Variants in SLC35A3 observed in about 807,000 individuals in gnomAD.
SLC35A3 encodes the protein solute carrier family 35 member A3.
Under a neutral mutation model 39.0 loss-of-function variants are expected in SLC35A3, and 26 were observed. That is an observed-to-expected ratio of 0.67 (90% CI 0.49 to 0.92). The LOEUF is 0.92. Among genes scored for constraint, SLC35A3 ranks in the 40% least tolerant of loss-of-function variants. The pLI, the probability that SLC35A3 is intolerant of heterozygous loss-of-function variation, is 0.00. For missense variants in SLC35A3, 299 were observed against 371.6 expected (o/e 0.80, Z 1.61); for synonymous variants, 135 against 133.1 (o/e 1.01, Z -0.10).
intron 1 of SLC35A3, among the ~76,000 whole-genome samples, chr1:99,981,162 T>C (rs954334133): frequency 2.6e-5 from 4 of 152,202 alleles, no homozygotes; most frequent in Non-Finnish European, 4.4e-5. Context: ...CTTTTTTCTG[T>C]TGATTTATTT....
intron 2 of SLC35A3, among the ~76,000 whole-genome samples, chr1:99,996,665 G>C (rs941273386): frequency 6.6e-6 from 1 of 152,098 alleles, no homozygotes; most frequent in Admixed American, 6.6e-5. Context: ...TTAAGCTCAG[G>C]AGTTGGGATC....
At chr1:99,991,908 C>A (rs1439734483) in intron 1 of SLC35A3, among the ~76,000 whole-genome samples, 2 of 152,094 alleles carry the variant, frequency 1.3e-5, no homozygotes, top group Non-Finnish European at 2.9e-5. Context: ...GCCACCACAC[C>A]CAGCTAATTT....
Position 100,031,550 on chromosome 1 carries a change from GCA to G in SLC35A3, c.*9078_*9079del, listed in dbSNP as rs1661228857. ...CCACCTCGTGTATACCAAAATTTGGGCACACTCAAGTCCTTAAGGGGAAACCG... is the reference window on the plus strand; with the variant it reads ...CCACCTCGTGTATACCAAAATTTGGGCACTCAAGTCCTTAAGGGGAAACCG... On this transcript the variant is annotated 3_prime_UTR_variant, in exon 8 of 8. Transcript: ENST00000533028. 6.6e-6 allele frequency: 1 copy of G among 152,026 alleles called. No individual in the cohort carries two copies. The highest frequency in any genetic ancestry group is 2.4e-5 in the African/African-American group (1 of 41,390). The allele number at this position is 152,026 out of a possible 1,614,324, so 9.4% of individuals were successfully genotyped here.
intron 7 of SLC35A3, among the ~76,000 whole-genome samples, chr1:100,020,362 G>T (rs888153228): frequency 1.3e-5 from 2 of 152,152 alleles, no homozygotes; most frequent in Admixed American, 6.5e-5. Context: ...GAATCTTTCA[G>T]TTGAGCATGA....
rs1200917192 is a variant in SLC35A3, at chr1:100,024,921, C to G, written c.*2445C>G. On this transcript the variant is annotated 3_prime_UTR_variant, in exon 8 of 8. Transcript: ENST00000533028. ...TGTTACAGACTGTTGGGTACCCTTGCCTAACGTGAACTGGCAGTGTTACCT... is the reference window on the plus strand; with the variant it reads ...TGTTACAGACTGTTGGGTACCCTTGGCTAACGTGAACTGGCAGTGTTACCT... The G allele has an allele frequency of 2.9e-6, 1 of 340,918 alleles. No homozygotes were observed. The highest frequency in any genetic ancestry group is 2.1e-5 in the African/African-American group (1 of 46,738). The allele number at this position is 340,918 out of a possible 1,614,324, so 21.1% of individuals were successfully genotyped here.
intron 1 of SLC35A3, among the ~76,000 whole-genome samples, chr1:99,985,152 T>A (rs191238220): frequency 3.5e-4 from 54 of 152,362 alleles, no homozygotes; most frequent in African/African-American, 1.2e-3. Context: ...CCTAAGCCAA[T>A]GTCTAGTAGG....
At position 100,024,621 on chromosome 1, in the gene SLC35A3, T is replaced by TA; in HGVS notation, c.*2145_*2146insA. 1 of 323,210 alleles carries TA rather than the reference T, an allele frequency of 3.1e-6. No individual in the cohort carries two copies. Among genetic ancestry groups the TA allele is most frequent in the Non-Finnish European group, 5.6e-6 (1 of 180,128 alleles). The allele number at this position is 323,210 out of a possible 1,614,324, so 20.0% of individuals were successfully genotyped here. On this transcript the variant is annotated 3_prime_UTR_variant, in exon 8 of 8. Coordinates refer to ENST00000533028, the MANE Select transcript of SLC35A3 (RefSeq NM_012243.3). ...GTATGAATGAAAAAAATAAAATACT[T>TA]CTTTTTTTTTTTTTTTGAGACAGAG...
At chr1:99,991,011 T>C (rs1300046175) in intron 1 of SLC35A3, among the ~76,000 whole-genome samples, 1 of 152,196 alleles carries the variant, frequency 6.6e-6, no homozygotes. Context: ...CTGTGAGAAA[T>C]AAATTGCTGT....
chr1:99,970,883 G>C (rs769238072), intron 1 of SLC35A3, among the ~76,000 whole-genome samples: 2 of 152,196 alleles, frequency 1.3e-5, no homozygotes, highest in African/African-American at 2.4e-5. Context: ...TAAACTCAGG[G>C]TGTTTCAAGG....
intron 2 of SLC35A3, among the ~76,000 whole-genome samples, chr1:99,995,801 C>T (rs192437451): frequency 2.6e-5 from 4 of 152,188 alleles, no homozygotes; most frequent in Non-Finnish European, 4.4e-5. Flanking sequence ...GAGGAGAAGG[C>T]CAAAGGCTGA....
chr1:99,979,828 G>T (rs901480771), intron 1 of SLC35A3, among the ~76,000 whole-genome samples: 5 of 151,784 alleles, frequency 3.3e-5, no homozygotes, highest in Non-Finnish European at 7.4e-5. Flanking sequence ...TGGATCACCC[G>T]AGGTCAGGAG....
At chr1:99,974,743 CCT>C (rs1271551846) in intron 1 of SLC35A3, among the ~76,000 whole-genome samples, 1 of 152,094 alleles carries the variant, frequency 6.6e-6, no homozygotes, top group Non-Finnish European at 1.5e-5. Context: ...TATCTCAGAA[CCT>C]CTGTTTCTTA....
At chr1:99,995,155 T>TCTTA (rs1553200952) in intron 2 of SLC35A3, among the ~76,000 whole-genome samples, 3 of 141,652 alleles carry the variant, frequency 2.1e-5, no homozygotes, top group African/African-American at 7.7e-5. Flanking sequence ...TTTCTTTCTT[T>TCTTA]CTTTCTTTTT....
intron 4 of SLC35A3, among the ~76,000 whole-genome samples, chr1:100,010,146 T>C (rs1659527398): frequency 6.6e-6 from 1 of 152,072 alleles, no homozygotes; most frequent in Admixed American, 6.6e-5. Flanking sequence ...CTATTGAGGG[T>C]GAAGATACAG....
chr1:99,971,133 A>T (rs1417411222), intron 1 of SLC35A3, among the ~76,000 whole-genome samples: 2 of 152,108 alleles, frequency 1.3e-5, no homozygotes, highest in African/African-American at 4.8e-5. Flanking sequence ...AGATCTTATG[A>T]CTTTCTTTTT....
At chr1:100,007,823 T>G (rs2101320672) in intron 4 of SLC35A3, 1 of 152,150 alleles carries the variant, frequency 6.6e-6, no homozygotes, top group East Asian at 1.9e-4. Context: ...TTATTATGAT[T>G]ATTATTATTT....
At chr1:100,020,927 G>A (rs896715039) in intron 7 of SLC35A3, among the ~76,000 whole-genome samples, 2 of 152,088 alleles carry the variant, frequency 1.3e-5, no homozygotes, top group African/African-American at 4.8e-5. Context: ...TGGGAAGGAT[G>A]AGTTTGGAGG....
chr1:99,988,483 T>C (rs1488210192), intron 1 of SLC35A3, among the ~76,000 whole-genome samples: 1 of 152,212 alleles, frequency 6.6e-6, no homozygotes, highest in Non-Finnish European at 1.5e-5. Context: ...AAATCTCTTA[T>C]AAATATTCAT....
chr1:100,033,364 C>G lies in SLC35A3; in HGVS notation c.*10888C>G, dbSNP rs1431753093. ...GTGTACTCTGAAAAAATCTAGCTGT[C>G]ATACCTATCCCTCCATTCCTAACCA... On this transcript the variant is annotated 3_prime_UTR_variant, in exon 8 of 8. Transcript: ENST00000533028. 2 of 151,876 alleles carry G rather than the reference C, an allele frequency of 1.3e-5. No individual in the cohort carries two copies. Among genetic ancestry groups the G allele is most frequent in the African/African-American group, 2.4e-5 (1 of 41,330 alleles). 9.4% of individuals were successfully genotyped at this position (151,876 alleles called of 1,614,324 possible).
Sources: gnomAD v4.1 joint callset for allele counts (sites outside exome capture counted in the v4.1 genomes callset) on GRCh38, gnomAD v4.1.1 for gene constraint, MANE v1.5 for transcripts, NCBI Gene and HGNC (gene_info 2026-07-23, HGNC 2026-07-21) for gene names.